C12orf56: variants seen among roughly 807,000 people sequenced by gnomAD.
The protein encoded by C12orf56 is chromosome 12 open reading frame 56.
C12orf56 carries 71 observed loss-of-function variants against 69.9 expected under a neutral mutation model. The observed-to-expected ratio is 1.02, with a 90% CI of 0.84 to 1.24. C12orf56 has a LOEUF of 1.24. C12orf56 is among the 50% of genes most tolerant of loss of function. The pLI is 0.00. For missense variants in C12orf56, 732 were observed against 738.5 expected (o/e 0.99, Z 0.10); for synonymous variants, 276 against 274.1 (o/e 1.01, Z -0.07).
intron 1 of C12orf56, among the ~76,000 whole-genome samples, chr12:64,364,017 A>G (rs553303543): frequency 6.8e-6 from 1 of 147,072 alleles, no homozygotes; most frequent in South Asian, 2.1e-4. Context: ...TTTTTTTTTT[A>G]AAAAAGAGTG....
chr12:64,346,081 T>C (rs1439625627), intron 2 of C12orf56, among the ~76,000 whole-genome samples: 2 of 152,152 alleles, frequency 1.3e-5, no homozygotes, highest in Non-Finnish European at 2.9e-5. Flanking sequence ...AAAATTTGTA[T>C]TAGTCAGGGT....
intron 1 of C12orf56, among the ~76,000 whole-genome samples, chr12:64,386,398 A>ATATTTTC (rs752756817): frequency 1.1e-5 from 1 of 87,344 alleles, no homozygotes; most frequent in Non-Finnish European, 2.2e-5. Flanking sequence ...ATATATATAT[A>ATATTTTC]TTTTTTTTTT....
chr12:64,389,077 C>A (rs1327689198), intron 1 of C12orf56: 1 of 152,096 alleles, frequency 6.6e-6, no homozygotes, highest in East Asian at 1.9e-4. Context: ...ACAGCTCCAT[C>A]AAGCGTCTCG....
intron 1 of C12orf56, among the ~76,000 whole-genome samples, chr12:64,361,684 A>G (rs2039401582): frequency 6.6e-6 from 1 of 151,864 alleles, no homozygotes; most frequent in African/African-American, 2.4e-5. Flanking sequence ...ATGGGCAATC[A>G]GCAGCCTTTG....
At chr12:64,341,877 TG>T (rs1420966917) in intron 2 of C12orf56, among the ~76,000 whole-genome samples, 2 of 152,168 alleles carry the variant, frequency 1.3e-5, no homozygotes, top group Non-Finnish European at 2.9e-5. Flanking sequence ...AGATCAGCTT[TG>T]GTGAGTGGAA....
intron 2 of C12orf56, among the ~76,000 whole-genome samples, chr12:64,332,457 G>C (rs1321063723): frequency 6.6e-6 from 1 of 152,122 alleles, no homozygotes; most frequent in East Asian, 1.9e-4. Context: ...TAATTTAAGA[G>C]CACAGGGTCT....
At chr12:64,331,645 G>A (rs992459530) in intron 2 of C12orf56, among the ~76,000 whole-genome samples, 5 of 152,094 alleles carry the variant, frequency 3.3e-5, no homozygotes, top group African/African-American at 1.2e-4. Context: ...CTCCCACTAC[G>A]TGAGGACATA....
intron 11 of C12orf56, 119 bp from the exon 12 acceptor site, chr12:64,270,833 G>T: frequency 1.3e-6 from 1 of 777,134 alleles, no homozygotes; most frequent in Non-Finnish European, 2.0e-6. Flanking sequence ...CACCACTGTT[G>T]CAATGTTCCT....
chr12:64,308,993 G>GAAAGAAAAGAAAAGA (rs2038571248), intron 5 of C12orf56, among the ~76,000 whole-genome samples: 2 of 139,852 alleles, frequency 1.4e-5, no homozygotes, highest in Non-Finnish European at 3.2e-5. Context: ...AGAAAAGAAA[G>GAAAGAAAAGAAAAGA]AAGGAAAGAA....
chr12:64,295,447 C>T (rs1482094106), intron 6 of C12orf56, among the ~76,000 whole-genome samples: 4 of 152,024 alleles, frequency 2.6e-5, no homozygotes, highest in Non-Finnish European at 4.4e-5. Context: ...TCACTTGAGT[C>T]CAAGACCAGC....
At chr12:64,303,510 T>G in intron 6 of C12orf56, 125 bp downstream of exon 6, 1 of 824,896 alleles carries the variant, frequency 1.2e-6, no homozygotes. Context: ...ACATTAAATT[T>G]TATCAACATT....
At chr12:64,385,001 C>T (rs958449326) in intron 1 of C12orf56, among the ~76,000 whole-genome samples, 1 of 151,392 alleles carries the variant, frequency 6.6e-6, no homozygotes, top group Non-Finnish European at 1.5e-5. Flanking sequence ...TTGCAGTGAG[C>T]CCAGGTCTTG....
intron 4 of C12orf56, among the ~76,000 whole-genome samples, chr12:64,316,784 T>G (rs539459979): frequency 6.6e-6 from 1 of 152,214 alleles, no homozygotes; most frequent in Non-Finnish European, 1.5e-5. Context: ...AAAAATTAAA[T>G]AAGTTAATAT....
chr12:64,283,556 A>C (rs1416373669), intron 8 of C12orf56, among the ~76,000 whole-genome samples: 2 of 152,142 alleles, frequency 1.3e-5, no homozygotes, highest in Non-Finnish European at 2.9e-5. Context: ...AGGTGTGGCC[A>C]TGTGCCTGAA....
intron 3 of C12orf56, among the ~76,000 whole-genome samples, chr12:64,328,695 AAAAAAAAAAAAATATATATAT>A (rs1340502104): frequency 7.3e-3 from 132 of 18,096 alleles, no homozygotes; most frequent in African/African-American, 0.022. Flanking sequence ...AAAAAAAAAA[AAAAAAAAAAAAATATATATAT>A]ATATATATAT....
At chr12:64,309,804 C>A (rs1467797511) in intron 5 of C12orf56, among the ~76,000 whole-genome samples, 1 of 152,064 alleles carries the variant, frequency 6.6e-6, no homozygotes. Flanking sequence ...AGCCACTGCA[C>A]CCGGCTTATC....
rs200293677 is a variant in C12orf56, at chr12:64,379,927, CAA to C, written c.252+10385_252+10386del. Among the ~76,000 whole-genome samples, 710 of 113,952 alleles carry C rather than the reference CAA, an allele frequency of 6.2e-3. 6 individuals are homozygous for C. Among genetic ancestry groups the C allele is most frequent in the African/African-American group, 0.031 (662 of 21,370 alleles). 74.8% of individuals were successfully genotyped at this position (113,952 alleles called of 152,430 possible). A position where few individuals can be genotyped will look rare whatever the true frequency, so the allele number is the denominator to read the frequency against. On this transcript the variant is annotated intron_variant, in intron 1 of 12. Coordinates refer to ENST00000543942, the MANE Select transcript of C12orf56 (RefSeq NM_001170633.2). ...TGAAACCCCGTCTCCACTAAAAATA[CAA>C]AAAAAAAAAAAAAAAAAAAAAAGTC...
intron 1 of C12orf56, among the ~76,000 whole-genome samples, chr12:64,378,503 A>G (rs1301304928): frequency 6.6e-6 from 1 of 151,774 alleles, no homozygotes; most frequent in Non-Finnish European, 1.5e-5. Flanking sequence ...GCACAATCTC[A>G]GCTCACTGCA....
chr12:64,318,534 T>C, intron 4 of C12orf56, 41 bp downstream of exon 4: 5 of 1,437,280 alleles, frequency 3.5e-6, no homozygotes, highest in Non-Finnish European at 4.6e-6. Flanking sequence ...AAAATAAAAA[T>C]ATAAAAATTC....
Sources: gnomAD v4.1 joint callset for allele counts (sites outside exome capture counted in the v4.1 genomes callset) on GRCh38, gnomAD v4.1.1 for gene constraint, MANE v1.5 for transcripts, NCBI Gene and HGNC (gene_info 2026-07-23, HGNC 2026-07-21) for gene names.